Variants in GUF1 observed in about 807,000 individuals in gnomAD.
The protein encoded by GUF1 is translation factor GUF1, mitochondrial.
A neutral mutation model predicts 82.4 loss-of-function variants in GUF1; 78 were observed. That is an observed-to-expected ratio of 0.95 (90% CI 0.79 to 1.14). The LOEUF (loss-of-function observed/expected upper bound fraction) is 1.14. Among genes scored for constraint, GUF1 ranks in the 50% most tolerant of loss-of-function variants. The probability of loss-of-function intolerance (pLI) is 0.00; values close to 1 mark genes in which losing one functional copy is unlikely to be tolerated. For synonymous variants in GUF1, 279 were observed against 282.3 expected (o/e 0.99, Z 0.12); for missense variants, 814 against 798.2 (o/e 1.02, Z -0.24).
Position 44,688,079 on chromosome 4 carries a change from A to G in GUF1, c.1011A>G (p.Leu337=), listed in dbSNP as rs1451354066. The stretch of plus-strand genomic sequence containing the variant: ...CTGAAGCGCAAATAGGAGATACATT[A>G]TGTTTACATAAGCAACCAGTGGAGC... ...DVTEAQIGDT[L]CLHKQPVEPL... The change falls in exon 9 of 17, where the codon TTA becomes TTG. Residue 337 remains leucine, a synonymous_variant. Coordinates refer to ENST00000281543, the MANE Select transcript of GUF1 (RefSeq NM_021927.3). The G allele has an allele frequency of 1.2e-6, 2 of 1,612,456 alleles. No individual in the cohort carries two copies. The highest frequency in any genetic ancestry group is 1.7e-6 in the Non-Finnish European group (2 of 1,178,794).
chr4:44,687,559 T>C (rs1715135844), intron 8 of GUF1, among the ~76,000 whole-genome samples: 1 of 151,862 alleles, frequency 6.6e-6, no homozygotes, highest in Admixed American at 6.6e-5. Context: ...GCTCTTTTGC[T>C]ACAGGAGGAA....
intron 14 of GUF1, among the ~76,000 whole-genome samples, chr4:44,695,171 G>A (rs1715723938): frequency 6.6e-6 from 1 of 152,142 alleles, no homozygotes; most frequent in South Asian, 2.1e-4. Context: ...TGGTTAAAAT[G>A]AATTACAAAG....
chr4:44,694,527 A>C lies in GUF1; in HGVS notation c.1715+14A>C. ...TGTTGTACACAAGTAAGTTCAATAG[A>C]AACTAATCATGGAATGTGAAAATAC... On this transcript the variant is annotated intron_variant, in intron 14 of 16. Coordinates refer to ENST00000281543, the MANE Select transcript of GUF1 (RefSeq NM_021927.3). The C allele has an allele frequency of 7.7e-7, 1 of 1,296,758 alleles. No individual in the cohort carries two copies. Among genetic ancestry groups the C allele is most frequent in the Non-Finnish European group, 1.1e-6 (1 of 910,068 alleles). The allele number at this position is 1,296,758 out of a possible 1,614,324, so 80.3% of individuals were successfully genotyped here.
intron 6 of GUF1, among the ~76,000 whole-genome samples, chr4:44,685,641 CAAAG>C (rs1286601549): frequency 6.6e-6 from 1 of 151,918 alleles, no homozygotes; most frequent in African/African-American, 2.4e-5. Context: ...AATTTATGCT[CAAAG>C]AGATAGATAC....
chr4:44,685,473 A>G (rs901840093), intron 6 of GUF1, among the ~76,000 whole-genome samples: 11 of 152,256 alleles, frequency 7.2e-5, no homozygotes, highest in Admixed American at 5.9e-4. Context: ...CAGTCATACC[A>G]TGTGGCTTGA....
chr4:44,682,371 C>G lies in GUF1; in HGVS notation c.545C>G (p.Ala182Gly). 1 of 1,540,138 alleles carries G rather than the reference C, an allele frequency of 6.5e-7. No homozygotes were observed. Among genetic ancestry groups the G allele is most frequent in the South Asian group, 1.3e-5 (1 of 79,090 alleles). ...CAAACTGTAGCAAACTTCTTTCTTG[C>G]CTTCGAAGCACAGCTATCGGTAATT... ...QAQTVANFFL[A>G]FEAQLSVIPV... Residue 182 changes from alanine to glycine, a missense_variant, in exon 5 of 17, where the codon GCC becomes GGC. Transcript: ENST00000281543.
At position 44,690,857 on chromosome 4, in the gene GUF1, C is replaced by T. The variant is rs898925826; in HGVS notation, c.1476C>T (p.Cys492=). The change falls in exon 12 of 17, where the codon TGC becomes TGT. Residue 492 remains cysteine, a synonymous_variant. Transcript: ENST00000281543. ...ACACTGGAAAAATAATGATGCTTTG[C>T]GAGGTATAACTATAATACAATTTAA... ...DEYTGKIMML[C]EARRAVQKNM... The T allele has an allele frequency of 8.8e-6, 14 of 1,593,952 alleles. No individual in the cohort carries two copies. The highest frequency in any genetic ancestry group is 1.2e-5 in the Non-Finnish European group (14 of 1,169,150).
At chr4:44,680,346 T>A in intron 1 of GUF1, 95 bp from the exon 2 acceptor site, 1 of 589,390 alleles carries the variant, frequency 1.7e-6, no homozygotes, top group Non-Finnish European at 3.0e-6. Context: ...AGAAATGATA[T>A]TGTTCAACGA....
intron 14 of GUF1, 39 bp downstream of exon 14, chr4:44,694,552 CT>C: frequency 1.7e-6 from 2 of 1,174,278 alleles, no homozygotes; most frequent in Non-Finnish European, 2.5e-6. Context: ...TGTGAAAATA[CT>C]TTTGATATGT....
chr4:44,689,021 C>A (rs1406796178), intron 9 of GUF1, among the ~76,000 whole-genome samples: 1 of 142,230 alleles, frequency 7.0e-6, no homozygotes, highest in African/African-American at 2.6e-5. Flanking sequence ...TTTTTTTTTT[C>A]TTTTCCCTGT....
chr4:44,697,897 C>T (rs181564230), intron 16 of GUF1, among the ~76,000 whole-genome samples: 1 of 152,156 alleles, frequency 6.6e-6, no homozygotes, highest in Admixed American at 6.5e-5. Context: ...GTAATCCCAG[C>T]ACCTTGGGAG....
rs1560338264 is a variant in GUF1 at position 44,678,447 on chromosome 4, C to T, written c.-176C>T. ...ACGTCGGCAAGCTGCGCCGCCGCTT[C>T]GGGTTGCTTCCGGATCTGGTACTTG... On this transcript the variant is annotated 5_prime_UTR_variant, in exon 1 of 17. Transcript: ENST00000281543. 2 of 513,888 alleles carry T rather than the reference C, an allele frequency of 3.9e-6. No individual in the cohort carries two copies. Among genetic ancestry groups the T allele is most frequent in the East Asian group, 7.0e-5 (2 of 28,380 alleles). 31.8% of individuals were successfully genotyped at this position (513,888 alleles called of 1,614,324 possible). A position where few individuals can be genotyped will look rare whatever the true frequency, so the allele number is the denominator to read the frequency against.
At position 44,700,150 on chromosome 4, in the gene GUF1, T is replaced by C. The variant is rs573048338; in HGVS notation, c.*1469T>C. 4.6e-5 allele frequency: 7 copies of C among 152,302 alleles called. No homozygotes were observed. Among genetic ancestry groups the C allele is most frequent in the African/African-American group, 1.7e-4 (7 of 41,580 alleles). The allele number at this position is 152,302 out of a possible 1,614,324, so 9.4% of individuals were successfully genotyped here. A position where few individuals can be genotyped will look rare whatever the true frequency, so the allele number is the denominator to read the frequency against. ...AAGGATGAATTTTATACTAAGGTTATATGAAAGAAAAATCTCAAAACCACT... is the reference window on the plus strand; with the variant it reads ...AAGGATGAATTTTATACTAAGGTTACATGAAAGAAAAATCTCAAAACCACT... On this transcript the variant is annotated 3_prime_UTR_variant, in exon 17 of 17. Transcript: ENST00000281543.
chr4:44,699,196 ATTTTT>A lies in GUF1; in HGVS notation c.*516_*520del, dbSNP rs1716057125. ...ATTGGTTTATGCGTCATTTCATTTT[ATTTTT>A]ATTTATTTTTTGAGACAGAGTCTTG... On this transcript the variant is annotated 3_prime_UTR_variant, in exon 17 of 17. Transcript: ENST00000281543. The A allele has an allele frequency of 6.6e-6, 1 of 152,214 alleles. No individual in the cohort carries two copies. Among genetic ancestry groups the A allele is most frequent in the Admixed American group, 6.6e-5 (1 of 15,252 alleles). 9.4% of individuals were successfully genotyped at this position (152,214 alleles called of 1,614,324 possible). A position where few individuals can be genotyped will look rare whatever the true frequency, so the allele number is the denominator to read the frequency against.
intron 16 of GUF1, 88 bp from the exon 17 acceptor site, chr4:44,698,453 GGTT>G: frequency 2.2e-6 from 2 of 918,218 alleles, no homozygotes; most frequent in Non-Finnish European, 3.3e-6. Context: ...AATTTGGTAT[GGTT>G]GTTAAGGTTG....
rs1716106683 is a variant in GUF1, at chr4:44,699,814, C to CT, written c.*1136dup. On this transcript the variant is annotated 3_prime_UTR_variant, in exon 17 of 17. Transcript: ENST00000281543. ...CATCTAAATTAAGGGCAGGAGCTGT[C>CT]TTTCAGACATTCAAAACGCATTTGT... 6.6e-6 allele frequency: 1 copy of CT among 152,230 alleles called. No homozygotes were observed. Among genetic ancestry groups the CT allele is most frequent in the African/African-American group, 2.4e-5 (1 of 41,458 alleles). 9.4% of individuals were successfully genotyped at this position (152,230 alleles called of 1,614,324 possible). A position where few individuals can be genotyped will look rare whatever the true frequency, so the allele number is the denominator to read the frequency against.
rs201662175 is a variant in GUF1 at position 44,698,625 on chromosome 4, G to A, written c.1954G>A (p.Val652Ile). The A allele has an allele frequency of 1.1e-4, 174 of 1,609,960 alleles. No homozygotes were observed. Among genetic ancestry groups the A allele is most frequent in the East Asian group, 8.5e-4 (38 of 44,734 alleles). ...AAAAAAGCTGAGGAAAATTGGCAAC[G>A]TTGAAGTTCCAAAAGATGCTTTTAT... ...GKKKLRKIGN[V>I]EVPKDAFIKV... The change falls in exon 17 of 17, where the codon GTT (valine) becomes ATT (isoleucine). Residue 652 changes from valine (V) to isoleucine (I), a missense_variant. Physicochemically the swap from Val to Ile is conservative, Grantham distance 29. Transcript: ENST00000281543.
At chr4:44,692,560 C>A (rs1297484254) in intron 13 of GUF1, among the ~76,000 whole-genome samples, 1 of 151,950 alleles carries the variant, frequency 6.6e-6, no homozygotes, top group African/African-American at 2.4e-5. Flanking sequence ...AAAACTCCCA[C>A]ACAGTGCATG....
At chr4:44,697,706 TACA>T (rs1715925667) in intron 16 of GUF1, among the ~76,000 whole-genome samples, 1 of 105,546 alleles carries the variant, frequency 9.5e-6, no homozygotes, top group Non-Finnish European at 2.5e-5. Flanking sequence ...GGAAGATTTT[TACA>T]ACAGTTATTT....
Sources: allele counts gnomAD v4.1 joint callset (sites outside exome capture counted in the v4.1 genomes callset), GRCh38; gene constraint gnomAD v4.1.1; transcripts MANE v1.5; gene names NCBI Gene and HGNC (gene_info 2026-07-23, HGNC 2026-07-21).